The following TNS1 variants were observed in gnomAD, a reference collection of about 807,000 sequenced individuals.
The protein encoded by TNS1 is tensin 1.
TNS1 carries 62 observed loss-of-function variants against 168.6 expected under a neutral mutation model. The observed-to-expected ratio is 0.37, with a 90% confidence interval of 0.30 to 0.45. The LOEUF is 0.45. TNS1 is among the 20% of genes least tolerant of loss of function. The pLI, the probability that TNS1 is intolerant of heterozygous loss-of-function variation, is 1.00. For synonymous variants in TNS1, 934 were observed against 933.2 expected, an observed-to-expected ratio of 1.00 and a Z score of -0.02; for missense variants, 2,240 against 2,339.4, an observed-to-expected ratio of 0.96 and a Z score of 0.88.
chr2:217,970,608 T>C (rs1391980580), intron 3 of TNS1, among the ~76,000 whole-genome samples: 3 of 152,176 alleles, frequency 2.0e-5, no homozygotes, highest in Non-Finnish European at 2.9e-5. Flanking sequence ...GAAAATATTA[T>C]GCAAAGAAAA....
In TNS1 at chr2:217,836,099, G is replaced by A. The variant is rs1453403196; in HGVS notation, c.3120C>T (p.Ser1040=). ...ACTGGACAGGGGAGCGAACCCCAGGGCTACGAGGGGATGTGGCTTCTGGAG... is the reference window on the plus strand; with the variant it reads ...ACTGGACAGGGGAGCGAACCCCAGGACTACGAGGGGATGTGGCTTCTGGAG... ...NQSPEATSPR[S]PGVRSPVQCV... The change falls in exon 20 of 33, where the codon AGC becomes AGT. Residue 1040 remains serine (S), a synonymous_variant. Coordinates refer to ENST00000682258, the MANE Select transcript of TNS1 (RefSeq NM_001387777.1). The A allele has an allele frequency of 1.2e-6, 2 of 1,613,990 alleles. No individual in the cohort carries two copies. The highest frequency in any genetic ancestry group is 1.7e-6 in the Non-Finnish European group (2 of 1,180,014).
At chr2:217,973,945 T>C (rs2126035228) in intron 3 of TNS1, among the ~76,000 whole-genome samples, 1 of 152,266 alleles carries the variant, frequency 6.6e-6, no homozygotes, top group African/African-American at 2.4e-5. Context: ...GAATACAACA[T>C]AGCAATTAAA....
chr2:217,800,860 C>T lies in TNS1; in HGVS notation c.*3599G>A, dbSNP rs911089741. The stretch of plus-strand genomic sequence containing the variant: ...GATCACACTCACCACCCTTCTGTGC[C>T]CCCTGGACAGCATGCTCCCCTGGAG... On this transcript the variant is annotated 3_prime_UTR_variant, in exon 33 of 33. Transcript: ENST00000682258. 2.0e-5 allele frequency: 3 copies of T among 152,164 alleles called. No individual in the cohort carries two copies. Among genetic ancestry groups the T allele is most frequent in the Non-Finnish European group, 4.4e-5 (3 of 68,068 alleles). The allele number at this position is 152,164 out of a possible 1,614,324, so 9.4% of individuals were successfully genotyped here. A position where few individuals can be genotyped will look rare whatever the true frequency, so the allele number is the denominator to read the frequency against.
chr2:217,936,526 G>C (rs997508240), intron 3 of TNS1, among the ~76,000 whole-genome samples: 1 of 152,114 alleles, frequency 6.6e-6, no homozygotes, highest in African/African-American at 2.4e-5. Flanking sequence ...CCAGCCCCAG[G>C]GCTGAGGAAT....
In TNS1 at chr2:217,818,261, G is replaced by C. The variant is rs1425787701; in HGVS notation, c.4071C>G (p.Val1357=). The C allele has an allele frequency of 6.2e-7, 1 of 1,613,548 alleles. No individual in the cohort carries two copies. The highest frequency in any genetic ancestry group is 2.2e-5 in the East Asian group (1 of 44,862). The change falls in exon 24 of 33, where the codon GTC becomes GTG. Residue 1357 remains valine, a synonymous_variant. Transcript: ENST00000682258. Reference sequence around the variant, plus strand: ...TGTTGTGGAGGCCAGAAACCTGGTAGACCCCTGCTGGGTGCCGACACAGGC... The same window carrying C: ...TGTTGTGGAGGCCAGAAACCTGGTACACCCCTGCTGGGTGCCGACACAGGC... The part of the protein sequence containing the change: ...SPSLCRHPAG[V]YQVSGLHNKV...
chr2:217,929,377 AG>A (rs1434792904), intron 3 of TNS1, among the ~76,000 whole-genome samples: 18 of 152,262 alleles, frequency 1.2e-4, no homozygotes, highest in Non-Finnish European at 2.6e-4. Context: ...GCTGATGAGC[AG>A]GGGGGTCAGA....
rs1937472514 is a variant in TNS1, at chr2:217,801,426, T to G, written c.*3033A>C. ...TGGACAGCTGGTGGCAGCACGGGAC[T>G]GAACCTGCTGGGGTCTGCGTCGCTG... is the stretch of plus-strand genomic sequence containing the variant. On this transcript the variant is annotated 3_prime_UTR_variant, in exon 33 of 33. Coordinates refer to ENST00000682258, the MANE Select transcript of TNS1 (RefSeq NM_001387777.1). 1.3e-5 allele frequency: 2 copies of G among 152,274 alleles called. No individual in the cohort carries two copies. The highest frequency in any genetic ancestry group is 4.8e-5 in the African/African-American group (2 of 41,456). The allele number at this position is 152,274 out of a possible 1,614,324, so 9.4% of individuals were successfully genotyped here.
At chr2:218,001,917 A>G (rs1449213653) in intron 1 of TNS1, among the ~76,000 whole-genome samples, 1 of 151,864 alleles carries the variant, frequency 6.6e-6, no homozygotes, top group Non-Finnish European at 1.5e-5. Context: ...CAAACCAGCC[A>G]TCACTCTCTC....
At chr2:217,852,273 A>T (rs2125468810) in intron 18 of TNS1, among the ~76,000 whole-genome samples, 1 of 152,286 alleles carries the variant, frequency 6.6e-6, no homozygotes, top group Non-Finnish European at 1.5e-5. Flanking sequence ...GTTGGCCGAA[A>T]TCTGAAGAGC....
chr2:218,018,559 T>C (rs934053708), intron 1 of TNS1, among the ~76,000 whole-genome samples: 2 of 152,232 alleles, frequency 1.3e-5, no homozygotes, highest in Non-Finnish European at 2.9e-5. Flanking sequence ...TCTGCTCCCA[T>C]GCCTCAGAGC....
At chr2:217,973,246 G>A (rs780799295) in intron 3 of TNS1, among the ~76,000 whole-genome samples, 72 of 151,770 alleles carry the variant, frequency 4.7e-4, no homozygotes, top group Non-Finnish European at 8.8e-4. Context: ...GTCCCAGCTC[G>A]GACTCGGAAG....
chr2:217,979,008 G>A, intron 2 of TNS1: 1 of 506,586 alleles, frequency 2.0e-6, no homozygotes, highest in Non-Finnish European at 3.5e-6. Flanking sequence ...CGGGACTGAG[G>A]ACCCGCGGCC....
intron 11 of TNS1, 53 bp from the exon 12 acceptor site, chr2:217,891,098 C>T (rs1207732983): frequency 6.3e-7 from 1 of 1,585,222 alleles, no homozygotes; most frequent in Non-Finnish European, 8.7e-7. Context: ...CCAAGAGCCG[C>T]TTGTTTTCCC....
chr2:217,826,329 G>A (rs761177299), intron 22 of TNS1, among the ~76,000 whole-genome samples: 11 of 152,272 alleles, frequency 7.2e-5, no homozygotes, highest in East Asian at 3.9e-4. Context: ...GCAGATCTCC[G>A]TAGTGAAAAT....
chr2:217,966,268 CGTGTGTGT>C (rs3838555), intron 3 of TNS1, among the ~76,000 whole-genome samples: 3,244 of 140,818 alleles, frequency 0.023, 109 homozygotes, highest in African/African-American at 0.075. Flanking sequence ...GAGCAGGCTG[CGTGTGTGT>C]GTGTGTGTGT....
chr2:217,873,617 G>T (rs540464570), intron 18 of TNS1, among the ~76,000 whole-genome samples: 1 of 152,210 alleles, frequency 6.6e-6, no homozygotes, highest in Admixed American at 6.5e-5. Context: ...CTGCAGGGGT[G>T]AGAGATTTCA....
chr2:218,013,219 G>A (rs1005304885), upstream of TNS1, among the ~76,000 whole-genome samples: 1 of 151,478 alleles, frequency 6.6e-6, no homozygotes, highest in African/African-American at 2.4e-5. Context: ...TTGCGCCACT[G>A]CACTCCAGCC....
chr2:217,876,220 GTTCAAGGCTTGCTTCCGAGAAGGC>G (rs1950187140), intron 18 of TNS1, among the ~76,000 whole-genome samples: 1 of 152,188 alleles, frequency 6.6e-6, no homozygotes, highest in Non-Finnish European at 1.5e-5. Context: ...ATATCCCTTG[GTTCAAGGCTTGCTTCCGAGAAGGC>G]TTGCCCCGGA....
intron 19 of TNS1, chr2:217,841,381 G>T: frequency 2.1e-6 from 1 of 469,656 alleles, no homozygotes; most frequent in African/African-American, 2.1e-5. Flanking sequence ...AACAGCACAG[G>T]GAACAGATGG....
Sources: allele counts gnomAD v4.1 joint callset (sites outside exome capture counted in the v4.1 genomes callset), GRCh38; gene constraint gnomAD v4.1.1; transcripts MANE v1.5; gene names NCBI Gene and HGNC (gene_info 2026-07-23, HGNC 2026-07-21).